PRKN: variants seen among roughly 807,000 people sequenced by gnomAD.
The protein encoded by PRKN is parkin RBR E3 ubiquitin protein ligase.
In PRKN, 56 loss-of-function variants were observed where a neutral mutation model predicts 59.5. The observed-to-expected ratio is 0.94, with a 90% CI of 0.76 to 1.18. The LOEUF (loss-of-function observed/expected upper bound fraction) is 1.18. Ranked by LOEUF, PRKN falls within the 50% of genes most tolerant of loss-of-function variation. The probability of loss-of-function intolerance (pLI) is 0.00; values close to 1 mark genes in which losing one functional copy is unlikely to be tolerated. For synonymous variants in PRKN, 250 were observed against 222.1 expected (o/e 1.13, Z -1.12); for missense variants, 657 against 596.4 (o/e 1.10, Z -1.06).
intron 7 of PRKN, among the ~76,000 whole-genome samples, chr6:161,672,526 A>G (rs73597143): frequency 0.13 from 19,466 of 152,248 alleles, 2,082 homozygotes; most frequent in African/African-American, 0.29. Flanking sequence ...CTGTAATCCC[A>G]ACACTTTGGC....
At chr6:162,156,140 A>G (rs75117922) in intron 4 of PRKN, among the ~76,000 whole-genome samples, 4,103 of 152,268 alleles carry the variant, frequency 0.027, 191 homozygotes, top group African/African-American at 0.092. Context: ...CTATGCCATC[A>G]TAATCAAAAC....
At chr6:161,941,929 A>G (rs1176433158) in intron 6 of PRKN, among the ~76,000 whole-genome samples, 1 of 152,236 alleles carries the variant, frequency 6.6e-6, no homozygotes, top group East Asian at 1.9e-4. Context: ...TACGTTATTA[A>G]TGAAGCAGGA....
chr6:162,692,166 G>C (rs1485305957), intron 1 of PRKN, among the ~76,000 whole-genome samples: 3 of 96,824 alleles, frequency 3.1e-5, no homozygotes, highest in Non-Finnish European at 5.9e-5. Flanking sequence ...AAAAAAAAAA[G>C]ATTAGAAAAT....
At chr6:162,386,334 C>G (rs58997917) in intron 2 of PRKN, among the ~76,000 whole-genome samples, 9,779 of 152,196 alleles carry the variant, frequency 0.064, 692 homozygotes, top group East Asian at 0.38. Context: ...AATTTTATGT[C>G]AAGTTTAAAA....
chr6:162,243,722 T>C (rs889355387), intron 3 of PRKN, among the ~76,000 whole-genome samples: 3 of 152,144 alleles, frequency 2.0e-5, no homozygotes, highest in African/African-American at 4.8e-5. Flanking sequence ...ATGGAGATTT[T>C]TGACTAGCAT....
chr6:161,642,689 C>T (rs1024729749), intron 7 of PRKN, among the ~76,000 whole-genome samples: 3 of 151,920 alleles, frequency 2.0e-5, no homozygotes, highest in Admixed American at 6.6e-5. Context: ...ATAACAACAA[C>T]AAAAAGTCAG....
rs192438191 is a variant in PRKN at position 162,068,128 on chromosome 6, T to C, written c.535-13954A>G. On this transcript the variant is annotated intron_variant, in intron 4 of 11. Transcript: ENST00000366898. Reference sequence around the variant, plus strand: ...CAAGTTAAGATTTTGTTACAAGAAATGTGTACGGACATACATTTTTAGAAT... The same window carrying C: ...CAAGTTAAGATTTTGTTACAAGAAACGTGTACGGACATACATTTTTAGAAT... Among the ~76,000 whole-genome samples, 198 of 152,300 alleles carry C rather than the reference T, an allele frequency of 1.3e-3. 1 individual carries two copies. Among genetic ancestry groups the C allele is most frequent in the Admixed American group, 3.8e-3 (58 of 15,304 alleles).
intron 2 of PRKN, among the ~76,000 whole-genome samples, chr6:162,268,730 C>A (rs1780242679): frequency 6.6e-6 from 1 of 152,116 alleles, no homozygotes; most frequent in South Asian, 2.1e-4. Context: ...GGAACCCAGG[C>A]CATCGACTCC....
rs918525261 is a variant in PRKN, at chr6:162,601,331, C to T, written c.7+126331G>A. ...CCAAAACATGAACTTTTGGGGGACA[C>T]ATTCAAACCACGGTAAATGGGTTTT... On this transcript the variant is annotated intron_variant, in intron 1 of 11. Transcript: ENST00000366898. Among the ~76,000 whole-genome samples the T allele has an allele frequency of 8.2e-5, 9 of 109,226 alleles. No homozygotes were observed. The East Asian group carries it at 4.6e-3, about 56-fold the overall frequency. 71.7% of individuals were successfully genotyped at this position (109,226 alleles called of 152,430 possible).
intron 6 of PRKN, among the ~76,000 whole-genome samples, chr6:161,881,234 G>A (rs1794923606): frequency 6.6e-6 from 1 of 152,158 alleles, no homozygotes; most frequent in Non-Finnish European, 1.5e-5. Context: ...CGCATCAGCA[G>A]CCAGGGAACT....
intron 1 of PRKN, among the ~76,000 whole-genome samples, chr6:162,646,094 G>T (rs550490335): frequency 1.3e-5 from 2 of 151,626 alleles, no homozygotes; most frequent in Non-Finnish European, 1.5e-5. Context: ...GGATGGTCTC[G>T]ATCTCCTGAC....
At chr6:162,616,070 G>A (rs889318334) in intron 1 of PRKN, among the ~76,000 whole-genome samples, 1 of 152,112 alleles carries the variant, frequency 6.6e-6, no homozygotes, top group African/African-American at 2.4e-5. Flanking sequence ...CTAACTCATG[G>A]CTCTTAAACC....
At chr6:161,932,571 G>A (rs891878827) in intron 6 of PRKN, among the ~76,000 whole-genome samples, 6 of 152,156 alleles carry the variant, frequency 3.9e-5, no homozygotes, top group African/African-American at 1.2e-4. Context: ...CTCGAGGGAA[G>A]CCAAATCTTT....
chr6:162,286,248 T>G (rs1781186214), intron 2 of PRKN, among the ~76,000 whole-genome samples: 1 of 152,146 alleles, frequency 6.6e-6, no homozygotes, highest in Non-Finnish European at 1.5e-5. Flanking sequence ...AGCTAATTAT[T>G]GAATCCAAAG....
At position 162,234,609 on chromosome 6, in the gene PRKN, G is replaced by A. The variant is rs549795845; in HGVS notation, c.412+27916C>T. Among the ~76,000 whole-genome samples the A allele has an allele frequency of 5.5e-4, 84 of 152,278 alleles. 1 individual carries two copies. Among genetic ancestry groups the A allele is most frequent in the Admixed American group, 1.8e-3 (28 of 15,300 alleles). ...ACTTTAAATCATCTCTAGATGACTT[G>A]TAATACCTATGACAAGGTAAGAGCT... On this transcript the variant is annotated intron_variant, in intron 3 of 11. Transcript: ENST00000366898.
chr6:162,444,718 A>G (rs6455832), intron 1 of PRKN, among the ~76,000 whole-genome samples: 69,089 of 151,906 alleles, frequency 0.45, 16,319 homozygotes, highest in African/African-American at 0.58. Context: ...CACATTCCTC[A>G]TGGAAGCAGG....
chr6:161,866,154 C>T (rs908775946), intron 6 of PRKN, among the ~76,000 whole-genome samples: 1 of 152,090 alleles, frequency 6.6e-6, no homozygotes, highest in Admixed American at 6.5e-5. Flanking sequence ...TTATCAAGTA[C>T]GTTCACAATC....
intron 3 of PRKN, among the ~76,000 whole-genome samples, chr6:162,202,432 G>C (rs1294881092): frequency 6.6e-6 from 1 of 152,038 alleles, no homozygotes; most frequent in Non-Finnish European, 1.5e-5. Context: ...GCACAACAAA[G>C]ATGTAAAGTT....
At position 162,695,058 on chromosome 6, in the gene PRKN, C is replaced by A. The variant is rs189971589; in HGVS notation, c.7+32604G>T. 6.6e-5 allele frequency: 10 copies of A among 152,244 alleles called. No individual in the cohort carries two copies. The East Asian group carries it at 1.9e-3, about 29-fold the overall frequency. 9.4% of individuals were successfully genotyped at this position (152,244 alleles called of 1,614,324 possible). A position where few individuals can be genotyped will look rare whatever the true frequency, so the allele number is the denominator to read the frequency against. On this transcript the variant is annotated intron_variant, in intron 1 of 11. Coordinates refer to ENST00000366898, the MANE Select transcript of PRKN (RefSeq NM_004562.3). ...CACACCTGTCATCTGCAGCACAAGT[C>A]AGTGTGATCTGCAGATAGAAATGAG...
Sources: gnomAD v4.1 joint callset for allele counts (sites outside exome capture counted in the v4.1 genomes callset) on GRCh38, gnomAD v4.1.1 for gene constraint, MANE v1.5 for transcripts, NCBI Gene and HGNC (gene_info 2026-07-23, HGNC 2026-07-21) for gene names.